Variants in KCTD8 observed in about 807,000 individuals in gnomAD.
The protein encoded by KCTD8 is potassium channel tetramerization domain containing 8.
In KCTD8, 27 loss-of-function variants were observed where a neutral mutation model predicts 31.5. The ratio of observed to expected loss-of-function variants is 0.86; its 90% CI spans 0.63 to 1.18. The LOEUF (loss-of-function observed/expected upper bound fraction) is 1.18. Ranked by LOEUF, KCTD8 falls within the 50% of genes most tolerant of loss-of-function variation. The pLI, the probability that KCTD8 is intolerant of heterozygous loss-of-function variation, is 0.00. For missense variants in KCTD8, 658 were observed against 647.7 expected, an observed-to-expected ratio of 1.02 and a Z score of -0.17; for synonymous variants, 290 against 280.0, an observed-to-expected ratio of 1.04 and a Z score of -0.36.
intron 1 of KCTD8, among the ~76,000 whole-genome samples, chr4:44,368,889 T>G (rs1284719039): frequency 1.3e-5 from 2 of 152,196 alleles, no homozygotes; most frequent in Non-Finnish European, 2.9e-5. Flanking sequence ...TTTGGCACAT[T>G]TCGGTGTCTG....
At chr4:44,188,110 G>T (rs1433602939) in intron 1 of KCTD8, among the ~76,000 whole-genome samples, 1 of 151,976 alleles carries the variant, frequency 6.6e-6, no homozygotes. Context: ...GATCTCTTCA[G>T]ATCTTAAGTG....
At chr4:44,293,102 TAAAC>T (rs889629862) in intron 1 of KCTD8, among the ~76,000 whole-genome samples, 62 of 152,242 alleles carry the variant, frequency 4.1e-4, no homozygotes, top group African/African-American at 1.4e-3. Context: ...TTAGGCTACT[TAAAC>T]AAAATCCAGA....
intron 1 of KCTD8, among the ~76,000 whole-genome samples, chr4:44,245,419 G>A (rs1387780420): frequency 1.3e-5 from 2 of 151,954 alleles, no homozygotes; most frequent in African/African-American, 4.8e-5. Flanking sequence ...CTGACAGCTA[G>A]CAATCTGTCT....
chr4:44,379,741 G>C (rs1475009635), intron 1 of KCTD8, among the ~76,000 whole-genome samples: 1 of 152,040 alleles, frequency 6.6e-6, no homozygotes, highest in African/African-American at 2.4e-5. Context: ...ATGGAATTAA[G>C]TATTGTTGCC....
intron 1 of KCTD8, among the ~76,000 whole-genome samples, chr4:44,187,053 A>G (rs1713610434): frequency 6.6e-6 from 1 of 152,174 alleles, no homozygotes; most frequent in Non-Finnish European, 1.5e-5. Flanking sequence ...AAGATAAACC[A>G]TTTAGCAGTG....
At chr4:44,316,912 G>A (rs971005966) in intron 1 of KCTD8, among the ~76,000 whole-genome samples, 1 of 150,712 alleles carries the variant, frequency 6.6e-6, no homozygotes, top group Non-Finnish European at 1.5e-5. Flanking sequence ...CAGGAGGCAG[G>A]GATTGCAGTG....
chr4:44,274,878 A>G (rs1716709391), intron 1 of KCTD8, among the ~76,000 whole-genome samples: 2 of 151,872 alleles, frequency 1.3e-5, no homozygotes, highest in Non-Finnish European at 2.9e-5. Context: ...AAGTTTAATT[A>G]ACTTAGAGAC....
At chr4:44,255,811 T>G (rs1390844622) in intron 1 of KCTD8, among the ~76,000 whole-genome samples, 1 of 151,864 alleles carries the variant, frequency 6.6e-6, no homozygotes, top group Non-Finnish European at 1.5e-5. Context: ...TAAGATAACA[T>G]CTCTATTACT....
intron 1 of KCTD8, among the ~76,000 whole-genome samples, chr4:44,304,488 C>A (rs1464275899): frequency 6.6e-6 from 1 of 152,090 alleles, no homozygotes; most frequent in Non-Finnish European, 1.5e-5. Flanking sequence ...ATGTCTTCAG[C>A]CTCTTATTCA....
chr4:44,274,252 T>C (rs1716687906), intron 1 of KCTD8, among the ~76,000 whole-genome samples: 1 of 151,942 alleles, frequency 6.6e-6, no homozygotes, highest in African/African-American at 2.4e-5. Flanking sequence ...AGACCAAGAA[T>C]GTTAAATGAG....
intron 1 of KCTD8, among the ~76,000 whole-genome samples, chr4:44,299,772 C>CTTT (rs576621306): frequency 7.4e-6 from 1 of 134,558 alleles, no homozygotes. Context: ...TTTTCCTTTT[C>CTTT]TTTTTTTTTT....
chr4:44,309,469 T>G (rs75632604), intron 1 of KCTD8, among the ~76,000 whole-genome samples: 1 of 152,326 alleles, frequency 6.6e-6, no homozygotes, highest in African/African-American at 2.4e-5. Flanking sequence ...TTGGAAGATA[T>G]ATCTTTTACA....
chr4:44,376,026 T>A (rs1719908622), intron 1 of KCTD8, among the ~76,000 whole-genome samples: 1 of 152,108 alleles, frequency 6.6e-6, no homozygotes. Flanking sequence ...TTGGAGTGAT[T>A]GAGACTGCAG....
At chr4:44,322,329 G>T (rs1012038706) in intron 1 of KCTD8, among the ~76,000 whole-genome samples, 3 of 152,018 alleles carry the variant, frequency 2.0e-5, no homozygotes, top group South Asian at 2.1e-4. Flanking sequence ...GTTTTGATTT[G>T]CATTCCTGTG....
intron 1 of KCTD8, among the ~76,000 whole-genome samples, chr4:44,242,731 T>G (rs1169794370): frequency 2.6e-5 from 4 of 152,150 alleles, no homozygotes; most frequent in Non-Finnish European, 5.9e-5. Flanking sequence ...AGATTTCTCA[T>G]GAATGGTTTA....
rs187457698 is a variant in KCTD8, at chr4:44,295,847, C to G, written c.962-120597G>C. ...TTTAGGGAACACATTCTGACTGTAG[C>G]AATATGCAATTATTAATATTGGTAA... On this transcript the variant is annotated intron_variant, in intron 1 of 1. Transcript: ENST00000360029. Among the ~76,000 whole-genome samples, 9 of 152,204 alleles carry G rather than the reference C, an allele frequency of 5.9e-5. No individual in the cohort carries two copies. The South Asian group carries it at 1.0e-3, about 18-fold the overall frequency.
chr4:44,417,709 T>C (rs1439257033), intron 1 of KCTD8, among the ~76,000 whole-genome samples: 1 of 88,200 alleles, frequency 1.1e-5, no homozygotes, highest in African/African-American at 4.0e-5. Flanking sequence ...AAGGACTAAA[T>C]AAGTTGGCAT....
At chr4:44,341,646 G>A (rs1167677503) in intron 1 of KCTD8, among the ~76,000 whole-genome samples, 2 of 152,160 alleles carry the variant, frequency 1.3e-5, no homozygotes, top group East Asian at 3.9e-4. Context: ...ATTCATTCAA[G>A]TTTTATCATT....
At chr4:44,379,493 T>C (rs1720004478) in intron 1 of KCTD8, among the ~76,000 whole-genome samples, 1 of 152,138 alleles carries the variant, frequency 6.6e-6, no homozygotes, top group Non-Finnish European at 1.5e-5. Flanking sequence ...TCTGTTTATT[T>C]AATTTGGAAA....
Sources: gnomAD v4.1 joint callset for allele counts (sites outside exome capture counted in the v4.1 genomes callset) on GRCh38, gnomAD v4.1.1 for gene constraint, MANE v1.5 for transcripts, NCBI Gene and HGNC (gene_info 2026-07-23, HGNC 2026-07-21) for gene names.